Variants in MTFR1 observed in about 807,000 individuals in gnomAD.
MTFR1 encodes chondrocyte protein with a poly-proline region.
MTFR1 carries 28 observed loss-of-function variants against 38.8 expected under a neutral mutation model. The observed-to-expected ratio is 0.72, with a 90% confidence interval of 0.53 to 0.99. MTFR1 has a LOEUF of 0.99. MTFR1 is among the 50% of genes least tolerant of loss of function. The probability of loss-of-function intolerance (pLI) is 0.00; values close to 1 mark genes in which losing one functional copy is unlikely to be tolerated. For missense variants in MTFR1, 358 were observed against 395.5 expected (o/e 0.91, Z 0.81); for synonymous variants, 145 against 137.0 (o/e 1.06, Z -0.41).
intron 7 of MTFR1, 138 bp downstream of exon 7, chr8:65,708,149 C>A (rs1304429898): frequency 1.3e-6 from 2 of 1,552,690 alleles, no homozygotes; most frequent in African/African-American, 2.7e-5. Context: ...CCCTGCCTTA[C>A]AAGTAGATCA....
intron 3 of MTFR1, among the ~76,000 whole-genome samples, chr8:65,762,111 A>T (rs1027738019): frequency 3.9e-5 from 6 of 152,120 alleles, no homozygotes; most frequent in Admixed American, 1.3e-4. Context: ...ATTGTTTAAA[A>T]TTTTTTTAAT....
At position 65,745,437 on chromosome 8, in the gene MTFR1, C is replaced by T. The variant is rs1203950855; in HGVS notation, c.*49-25510C>T. 2 of 1,577,032 alleles carry T rather than the reference C, an allele frequency of 1.3e-6. 1 individual carries two copies. Among genetic ancestry groups the T allele is most frequent in the East Asian group, 4.5e-5 (2 of 44,700 alleles). ...GTTAGTCTATCAAATAGAAAGATAT[C>T]AAAATTCCAATTTCCAACTTTTTCC... On this transcript the variant is annotated intron_variant, in intron 3 of 3. Coordinates refer to the MTFR1 transcript ENST00000521247.
At chr8:65,680,310 G>C (rs77047355) in intron 2 of MTFR1, among the ~76,000 whole-genome samples, 6,167 of 152,100 alleles carry the variant, frequency 0.041, 428 homozygotes, top group African/African-American at 0.14. Flanking sequence ...ATGACAGCAT[G>C]CATCACCACC....
intron 3 of MTFR1, among the ~76,000 whole-genome samples, chr8:65,757,657 C>T (rs1015953066): frequency 9.2e-5 from 14 of 152,118 alleles, no homozygotes; most frequent in Non-Finnish European, 1.5e-4. Context: ...CTCGCTCTGT[C>T]GCCCAGGCTG....
chr8:65,694,213 T>C (rs1805368350), intron 4 of MTFR1, among the ~76,000 whole-genome samples: 1 of 151,810 alleles, frequency 6.6e-6, no homozygotes. Flanking sequence ...TAGCTGGGGC[T>C]ACAGGCACGC....
downstream of MTFR1, among the ~76,000 whole-genome samples, chr8:65,775,624 T>A (rs1021863878): frequency 2.6e-5 from 4 of 152,214 alleles, no homozygotes; most frequent in Non-Finnish European, 5.9e-5. Flanking sequence ...CAGTTGCCTC[T>A]CTTATTTCTT....
chr8:65,662,045 C>T (rs1380456922), intron 1 of MTFR1, among the ~76,000 whole-genome samples: 1 of 76,256 alleles, frequency 1.3e-5, no homozygotes. Flanking sequence ...CTCTCTCCCT[C>T]TCTCTCTCCC....
At chr8:65,771,415 GAAGAA>G (rs749454378), downstream of MTFR1, among the ~76,000 whole-genome samples, 30 of 152,104 alleles carry the variant, frequency 2.0e-4, no homozygotes, top group East Asian at 4.4e-3. Context: ...ACAGCACATA[GAAGAA>G]ATTAAAAAAT....
rs557626784 is a variant in MTFR1, at chr8:65,735,242, G to A, written c.*48+15761G>A. ...GGGGAAACACAATCGCCGAGTGAGC[G>A]GGACAGACCATCAGAATTCTGCACT... On this transcript the variant is annotated intron_variant, in intron 3 of 3. Coordinates refer to the MTFR1 transcript ENST00000521247. Among the ~76,000 whole-genome samples the A allele has an allele frequency of 4.6e-5, 7 of 152,208 alleles. No homozygotes were observed. In the South Asian group the frequency reaches 1.0e-3, roughly 23 times the overall value.
intron 1 of MTFR1, among the ~76,000 whole-genome samples, chr8:65,648,699 T>C (rs17394924): frequency 0.19 from 29,175 of 152,170 alleles, 2,959 homozygotes; most frequent in Middle Eastern, 0.23. Context: ...GAGTTGGTTG[T>C]GGTTAAAATG....
At chr8:65,724,741 A>T (rs1806538425) in intron 3 of MTFR1, 2 of 1,546,328 alleles carry the variant, frequency 1.3e-6, no homozygotes, top group Admixed American at 1.9e-5. Flanking sequence ...CACATAATTT[A>T]TCCTAGAAAT....
chr8:65,764,819 G>A (rs1808688012), intron 3 of MTFR1, among the ~76,000 whole-genome samples: 1 of 152,154 alleles, frequency 6.6e-6, no homozygotes, highest in African/African-American at 2.4e-5. Flanking sequence ...GAGGAACTAA[G>A]CGAAATTTAG....
chr8:65,750,485 T>TGTGTGC (rs1807885880), intron 3 of MTFR1, among the ~76,000 whole-genome samples: 1 of 136,218 alleles, frequency 7.3e-6, no homozygotes, highest in Non-Finnish European at 1.5e-5. Context: ...TGTGTGTGTG[T>TGTGTGC]GTGTGTGTGT....
intron 1 of MTFR1, among the ~76,000 whole-genome samples, chr8:65,656,106 G>A (rs985099156): frequency 2.6e-4 from 39 of 149,898 alleles, no homozygotes; most frequent in African/African-American, 9.2e-4. Flanking sequence ...TGAGGCAGGA[G>A]AATCGCTTGA....
chr8:65,765,307 G>A (rs896334981), intron 3 of MTFR1, among the ~76,000 whole-genome samples: 63 of 151,198 alleles, frequency 4.2e-4, no homozygotes, highest in Non-Finnish European at 6.2e-4. Context: ...GGCTAAAACG[G>A]TGAAACCCCG....
intron 3 of MTFR1, chr8:65,720,352 G>A (rs1040882163): frequency 6.5e-6 from 1 of 154,094 alleles, no homozygotes; most frequent in Non-Finnish European, 1.5e-5. Context: ...TAAGAATGGG[G>A]AAAATATACA....
At chr8:65,684,510 C>T (rs1217817921) in intron 3 of MTFR1, among the ~76,000 whole-genome samples, 3 of 151,436 alleles carry the variant, frequency 2.0e-5, no homozygotes, top group South Asian at 2.1e-4. Flanking sequence ...CTCAGCCTCC[C>T]GAGTAGCTGG....
At position 65,693,715 on chromosome 8, in the gene MTFR1, TGGA is replaced by T. The variant is rs778711449; in HGVS notation, c.238_240del (p.Gly80del). The T allele has an allele frequency of 6.2e-7, 1 of 1,614,172 alleles. No individual in the cohort carries two copies. Among genetic ancestry groups the T allele is most frequent in the Non-Finnish European group, 8.5e-7 (1 of 1,180,022 alleles). ...ATGCAGTGGCGTCTTTTGCTGATGT[TGGA>T]TGGGTAGCCAAAGAAGAAGGAGAGT... is the stretch of plus-strand genomic sequence containing the variant. On this transcript the variant is annotated inframe_deletion, in exon 4 of 8. Transcript: ENST00000262146.
chr8:65,735,138 G>C (rs1172770616), intron 3 of MTFR1, among the ~76,000 whole-genome samples: 4 of 152,074 alleles, frequency 2.6e-5, no homozygotes, highest in Non-Finnish European at 5.9e-5. Context: ...TGTGCCCCCT[G>C]CCATCAACCT....
Sources: gnomAD v4.1 joint callset for allele counts (sites outside exome capture counted in the v4.1 genomes callset) on GRCh38, gnomAD v4.1.1 for gene constraint, MANE v1.5 for transcripts, NCBI Gene and HGNC (gene_info 2026-07-23, HGNC 2026-07-21) for gene names.